LHPP: variants seen among roughly 807,000 people sequenced by gnomAD.
The protein encoded by LHPP is hLHPP.
A neutral mutation model predicts 30.3 loss-of-function variants in LHPP; 24 were observed. That is an observed-to-expected ratio of 0.79 (90% CI 0.57 to 1.11). The LOEUF is 1.11. Ranked by LOEUF, LHPP falls within the 50% of genes most tolerant of loss-of-function variation. The pLI is 0.00. For synonymous variants in LHPP, 150 were observed against 157.1 expected (o/e 0.95, Z 0.34); for missense variants, 356 against 367.2 (o/e 0.97, Z 0.25).
chr10:124,476,095 G>A (rs1384617021), intron 1 of LHPP, among the ~76,000 whole-genome samples: 1 of 152,124 alleles, frequency 6.6e-6, no homozygotes, highest in East Asian at 1.9e-4. Context: ...GCAGGTACGG[G>A]AGGGTGTGCT....
chr10:124,574,076 G>C (rs893586862), intron 6 of LHPP, among the ~76,000 whole-genome samples: 33 of 152,246 alleles, frequency 2.2e-4, no homozygotes, highest in South Asian at 1.0e-3. Context: ...CCTGGTGCTG[G>C]CTCCTCCCAA....
chr10:124,471,388 T>G (rs1235601148), intron 1 of LHPP, among the ~76,000 whole-genome samples: 2 of 77,722 alleles, frequency 2.6e-5, no homozygotes, highest in East Asian at 8.0e-4. Context: ...AACTCCAAAA[T>G]TATATATATA....
chr10:124,503,228 A>C (rs1953964265), intron 5 of LHPP, among the ~76,000 whole-genome samples: 1 of 149,852 alleles, frequency 6.7e-6, no homozygotes, highest in African/African-American at 2.5e-5. Flanking sequence ...CACCACGCCC[A>C]TCTAATTTTG....
intron 6 of LHPP, among the ~76,000 whole-genome samples, chr10:124,542,915 C>T (rs984200458): frequency 6.6e-6 from 1 of 152,218 alleles, no homozygotes; most frequent in Non-Finnish European, 1.5e-5. Context: ...CCGTCACGGT[C>T]GTTCTCCCCG....
intron 6 of LHPP, among the ~76,000 whole-genome samples, chr10:124,606,857 G>A (rs1037738092): frequency 6.6e-6 from 1 of 152,196 alleles, no homozygotes; most frequent in Non-Finnish European, 1.5e-5. Context: ...GGCAGCCCCA[G>A]CCCTTCCCTG....
At chr10:124,598,526 A>G (rs1948980335) in intron 6 of LHPP, among the ~76,000 whole-genome samples, 1 of 152,136 alleles carries the variant, frequency 6.6e-6, no homozygotes, top group African/African-American at 2.4e-5. Flanking sequence ...CCTGCCCACC[A>G]TCTCCTGAGG....
At position 124,541,695 on chromosome 10, in the gene LHPP, C is replaced by T. The variant is rs779279256; in HGVS notation, c.716+24424C>T. On this transcript the variant is annotated intron_variant, in intron 6 of 6. Transcript: ENST00000368842. The surrounding 1 kb of genome is among the most constrained non-coding windows in gnomAD (Gnocchi z 4.2). ...TGGAGGGCTTCTGTGGGTGGGAGTT[C>T]CCATGACGTCATCCCTCAGTACAAG... Among the ~76,000 whole-genome samples, 3 of 152,120 alleles carry T rather than the reference C, an allele frequency of 2.0e-5. No individual in the cohort carries two copies. The highest frequency in any genetic ancestry group is 4.4e-5 in the Non-Finnish European group (3 of 68,010).
At chr10:124,545,499 G>A (rs1955312585) in intron 6 of LHPP, among the ~76,000 whole-genome samples, 1 of 152,246 alleles carries the variant, frequency 6.6e-6, no homozygotes, top group South Asian at 2.1e-4. Context: ...TCTTTGTGCA[G>A]GGGCAGTGTG....
At chr10:124,520,487 C>T (rs930123241) in intron 6 of LHPP, among the ~76,000 whole-genome samples, 6 of 152,206 alleles carry the variant, frequency 3.9e-5, no homozygotes, top group African/African-American at 1.4e-4. Context: ...CACCAAGCTC[C>T]AGACATGGAG....
chr10:124,481,802 C>T (rs866708389), intron 1 of LHPP, among the ~76,000 whole-genome samples: 7 of 152,196 alleles, frequency 4.6e-5, no homozygotes, highest in African/African-American at 1.4e-4. Flanking sequence ...CCTGCCTGTG[C>T]GCAAGGTGGG....
At chr10:124,564,424 AT>A (rs898282645) in intron 6 of LHPP, among the ~76,000 whole-genome samples, 8 of 146,226 alleles carry the variant, frequency 5.5e-5, no homozygotes, top group South Asian at 2.2e-4. Flanking sequence ...CGCCCGGCCA[AT>A]TTTTTTTTTT....
intron 5 of LHPP, among the ~76,000 whole-genome samples, chr10:124,500,202 G>A (rs567504991): frequency 4.6e-5 from 7 of 151,892 alleles, no homozygotes; most frequent in Non-Finnish European, 8.8e-5. Flanking sequence ...GCTGGGTGTG[G>A]TGGCCCACGC....
At chr10:124,584,216 A>C (rs1275329192) in intron 6 of LHPP, among the ~76,000 whole-genome samples, 2 of 151,956 alleles carry the variant, frequency 1.3e-5, no homozygotes, top group Non-Finnish European at 2.9e-5. Flanking sequence ...GAAAAAAAAA[A>C]AAATTAGGCA....
At chr10:124,477,185 G>A (rs145367131) in intron 1 of LHPP, among the ~76,000 whole-genome samples, 2,202 of 152,238 alleles carry the variant, frequency 0.014, 40 homozygotes, top group African/African-American at 0.049. Context: ...CCTGGGCAAC[G>A]GAGTGAGACT....
intron 6 of LHPP, among the ~76,000 whole-genome samples, chr10:124,579,196 G>A (rs953518299): frequency 1.3e-5 from 2 of 152,236 alleles, no homozygotes; most frequent in Admixed American, 6.5e-5. Flanking sequence ...CTCCCGGGCC[G>A]AGCGTTCTGA....
intron 2 of LHPP, among the ~76,000 whole-genome samples, chr10:124,486,247 G>A (rs1028841591): frequency 6.6e-6 from 1 of 152,080 alleles, no homozygotes; most frequent in Non-Finnish European, 1.5e-5. Context: ...CAGCTACCTC[G>A]CACCTTGCCC....
chr10:124,547,702 G>A (rs1337098417), intron 6 of LHPP, among the ~76,000 whole-genome samples: 1 of 151,964 alleles, frequency 6.6e-6, no homozygotes, highest in African/African-American at 2.4e-5. Flanking sequence ...GAAGCAGTCT[G>A]AGGGAGGGCT....
chr10:124,481,018 A>G (rs952376635), intron 1 of LHPP, among the ~76,000 whole-genome samples: 1 of 151,922 alleles, frequency 6.6e-6, no homozygotes, highest in African/African-American at 2.4e-5. Context: ...GAGGTCATTT[A>G]GACTTCTCAG....
At chr10:124,519,494 A>G (rs969665260) in intron 6 of LHPP, among the ~76,000 whole-genome samples, 2 of 152,144 alleles carry the variant, frequency 1.3e-5, no homozygotes, top group Admixed American at 6.5e-5. Context: ...GGTTACATGC[A>G]TAAGTTCTTT....
Sources: allele counts gnomAD v4.1 joint callset (sites outside exome capture counted in the v4.1 genomes callset), GRCh38; gene constraint gnomAD v4.1.1; non-coding constraint Gnocchi (gnomAD v3.1); transcripts MANE v1.5; gene names NCBI Gene and HGNC (gene_info 2026-07-23, HGNC 2026-07-21).